EVI5: variants seen among roughly 807,000 people sequenced by gnomAD.
EVI5 encodes the protein ecotropic viral integration site 5.
A neutral mutation model predicts 112.0 loss-of-function variants in EVI5; 73 were observed. The ratio of observed to expected loss-of-function variants is 0.65; its 90% CI spans 0.54 to 0.79. The LOEUF is 0.79. EVI5 is among the 30% of genes least tolerant of loss of function. EVI5 has a pLI of 0.00. For synonymous variants in EVI5, 305 were observed against 319.9 expected (o/e 0.95, Z 0.50); for missense variants, 900 against 968.8 (o/e 0.93, Z 0.94).
rs181988071 is a variant in EVI5 at position 92,742,296 on chromosome 1, G to T, written c.-81-5669C>A. Among the ~76,000 whole-genome samples the T allele has an allele frequency of 2.6e-3, 391 of 152,106 alleles. 1 individual carries two copies. Among genetic ancestry groups the T allele is most frequent in the African/African-American group, 9.1e-3 (377 of 41,512 alleles). On this transcript the variant is annotated intron_variant, in intron 1 of 19. Coordinates refer to ENST00000684568, the MANE Select transcript of EVI5 (RefSeq NM_001350197.2). ...GCTGGTCTTGAACTCCTGGCCTCAA[G>T]CAATCCTCCTGCTTCAGCCTCCTGA...
intron 14 of EVI5, among the ~76,000 whole-genome samples, chr1:92,634,366 CT>C (rs1237621057): frequency 1.3e-5 from 2 of 152,164 alleles, no homozygotes; most frequent in African/African-American, 4.8e-5. Context: ...TTCTTGGAGA[CT>C]TTTTTCGTTT....
At chr1:92,755,267 G>A (rs981311972) in intron 1 of EVI5, among the ~76,000 whole-genome samples, 4 of 151,696 alleles carry the variant, frequency 2.6e-5, no homozygotes, top group African/African-American at 9.7e-5. Flanking sequence ...AAAATTAGCC[G>A]GACGTGGGTG....
At chr1:92,636,810 A>G (rs1221147388) in intron 13 of EVI5, among the ~76,000 whole-genome samples, 1 of 152,226 alleles carries the variant, frequency 6.6e-6, no homozygotes, top group African/African-American at 2.4e-5. Context: ...AATCTCAATG[A>G]TTTTTATATT....
At chr1:92,658,655 C>T (rs886808862) in intron 13 of EVI5, among the ~76,000 whole-genome samples, 3 of 152,110 alleles carry the variant, frequency 2.0e-5, no homozygotes, top group Admixed American at 2.0e-4. Context: ...GACCATACTG[C>T]CCAAAGCAGT....
At chr1:92,563,131 GATTCAAGGTA>G (rs758564347) in intron 19 of EVI5, among the ~76,000 whole-genome samples, 38 of 152,126 alleles carry the variant, frequency 2.5e-4, no homozygotes, top group Non-Finnish European at 5.3e-4. Flanking sequence ...GAATCTCACA[GATTCAAGGTA>G]GTACCAGTTT....
intron 1 of EVI5, among the ~76,000 whole-genome samples, chr1:92,780,661 A>T (rs186224914): frequency 6.6e-6 from 1 of 152,246 alleles, no homozygotes; most frequent in Admixed American, 6.5e-5. Context: ...CAGATGGACA[A>T]GGATGGTATT....
chr1:92,685,459 T>A (rs970120708), intron 9 of EVI5, among the ~76,000 whole-genome samples: 1 of 152,136 alleles, frequency 6.6e-6, no homozygotes, highest in Admixed American at 6.5e-5. Context: ...AGAAAAGATC[T>A]AAAATTGACA....
intron 2 of EVI5, among the ~76,000 whole-genome samples, chr1:92,727,309 A>T (rs1675726254): frequency 6.6e-6 from 1 of 152,228 alleles, no homozygotes; most frequent in Non-Finnish European, 1.5e-5. Context: ...ATTTGTGAAC[A>T]TATTAAAAAC....
intron 18 of EVI5, among the ~76,000 whole-genome samples, chr1:92,592,672 G>A (rs1051554959): frequency 2.6e-5 from 4 of 152,020 alleles, no homozygotes; most frequent in Non-Finnish European, 5.9e-5. Context: ...TAGACCACTA[G>A]CAAGACTAAT....
At chr1:92,651,867 G>GAA (rs1557999503) in intron 13 of EVI5, among the ~76,000 whole-genome samples, 22 of 60,996 alleles carry the variant, frequency 3.6e-4, no homozygotes, top group African/African-American at 9.4e-4. Context: ...AAAAAAAAAA[G>GAA]AAAGAAATTG....
intron 19 of EVI5, among the ~76,000 whole-genome samples, chr1:92,525,346 T>C (rs1218925287): frequency 1.4e-5 from 2 of 140,638 alleles, no homozygotes; most frequent in Non-Finnish European, 3.0e-5. Flanking sequence ...CTTGGCTGAC[T>C]CCAACCTCTG....
chr1:92,660,806 T>TG (rs764468730), intron 13 of EVI5, among the ~76,000 whole-genome samples: 1 of 151,890 alleles, frequency 6.6e-6, no homozygotes, highest in Non-Finnish European at 1.5e-5. Context: ...TTGCTGGGGT[T>TG]GGGGGGTGGT....
chr1:92,603,162 A>T (rs766210852), intron 18 of EVI5, among the ~76,000 whole-genome samples: 14 of 152,188 alleles, frequency 9.2e-5, no homozygotes, highest in Non-Finnish European at 1.9e-4. Context: ...CTTCACACCC[A>T]TTAGGATGGT....
intron 18 of EVI5, among the ~76,000 whole-genome samples, chr1:92,565,591 T>C (rs1669310427): frequency 6.6e-6 from 1 of 152,166 alleles, no homozygotes; most frequent in Non-Finnish European, 1.5e-5. Context: ...TCTGACTTAG[T>C]CCTCTGACTG....
intron 1 of EVI5, among the ~76,000 whole-genome samples, chr1:92,758,405 C>T (rs1178551646): frequency 6.6e-6 from 1 of 151,862 alleles, no homozygotes; most frequent in Non-Finnish European, 1.5e-5. Flanking sequence ...CCCGTCTCTA[C>T]AAAAAATACA....
intron 16 of EVI5, among the ~76,000 whole-genome samples, chr1:92,608,129 C>G (rs922978044): frequency 6.7e-6 from 1 of 148,344 alleles, no homozygotes; most frequent in Non-Finnish European, 1.5e-5. Context: ...CCAGCCTGGG[C>G]GACAGAGCGA....
At chr1:92,728,616 G>A (rs2102751346) in intron 2 of EVI5, among the ~76,000 whole-genome samples, 1 of 152,302 alleles carries the variant, frequency 6.6e-6, no homozygotes, top group South Asian at 2.1e-4. Flanking sequence ...TTGAACTCCT[G>A]ATCTCAGGTG....
intron 9 of EVI5, among the ~76,000 whole-genome samples, chr1:92,684,659 C>A (rs1243535128): frequency 1.3e-5 from 2 of 151,878 alleles, no homozygotes; most frequent in Non-Finnish European, 2.9e-5. Flanking sequence ...AGGAGACCCA[C>A]CTCACGTGCA....
At chr1:92,597,466 A>G (rs1571801650) in intron 18 of EVI5, among the ~76,000 whole-genome samples, 3 of 152,344 alleles carry the variant, frequency 2.0e-5, no homozygotes, top group East Asian at 3.9e-4. Context: ...AAAACATTTC[A>G]GAGAAGGGAC....
Sources: allele counts gnomAD v4.1 joint callset (sites outside exome capture counted in the v4.1 genomes callset), GRCh38; gene constraint gnomAD v4.1.1; transcripts MANE v1.5; gene names NCBI Gene and HGNC (gene_info 2026-07-23, HGNC 2026-07-21).